The following EXOC6B variants were observed in gnomAD, a reference collection of about 807,000 sequenced individuals.
The protein encoded by EXOC6B is exocyst complex component 6B, also known as SEC15 homolog B.
Under a neutral mutation model 113.5 loss-of-function variants are expected in EXOC6B, and 54 were observed. That is an observed-to-expected ratio of 0.48 (90% CI 0.38 to 0.60). The LOEUF is 0.60. Among genes scored for constraint, EXOC6B ranks in the 20% least tolerant of loss-of-function variants. EXOC6B has a pLI of 0.00. For synonymous variants in EXOC6B, 357 were observed against 339.0 expected (o/e 1.05, Z -0.58); for missense variants, 797 against 977.5 (o/e 0.82, Z 2.46).
intron 17 of EXOC6B, among the ~76,000 whole-genome samples, chr2:72,465,964 A>G (rs987188911): frequency 3.3e-5 from 5 of 152,136 alleles, no homozygotes; most frequent in African/African-American, 1.2e-4. Flanking sequence ...CAGTATCTCT[A>G]TCTTCAGTAC....
chr2:72,500,005 A>G, intron 11 of EXOC6B, 33 bp from the exon 12 acceptor site: 2 of 1,346,392 alleles, frequency 1.5e-6, no homozygotes, highest in Non-Finnish European at 2.1e-6. Flanking sequence ...GAGGAAAAAC[A>G]TGTTATTAGT....
intron 20 of EXOC6B, among the ~76,000 whole-genome samples, chr2:72,216,478 G>A (rs1025286048): frequency 7.2e-5 from 11 of 152,210 alleles, no homozygotes; most frequent in Admixed American, 7.2e-4. Context: ...TTCAACCATT[G>A]TGGAAGACAG....
At chr2:72,784,525 T>TG (rs1221261560) in intron 1 of EXOC6B, among the ~76,000 whole-genome samples, 1 of 152,156 alleles carries the variant, frequency 6.6e-6, no homozygotes, top group Admixed American at 6.5e-5. Context: ...TCCACATGGC[T>TG]GGGGAGGCCT....
intron 21 of EXOC6B, among the ~76,000 whole-genome samples, chr2:72,183,195 T>C (rs1441503166): frequency 6.6e-6 from 1 of 152,206 alleles, no homozygotes; most frequent in African/African-American, 2.4e-5. Context: ...CATGGTTGAC[T>C]GGCCATATAT....
rs1001110090 is a variant in EXOC6B at position 72,444,393 on chromosome 2, G to A, written c.1980+20767C>T. ...TCCAGCTGCACAGTGCAAGCTATAG[G>A]TGGATCTACCATTCTGGGGTCTGGA... On this transcript the variant is annotated intron_variant, in intron 18 of 21. Transcript: ENST00000272427. Among the ~76,000 whole-genome samples the A allele has an allele frequency of 2.6e-5, 4 of 152,178 alleles. No individual in the cohort carries two copies. The South Asian group carries it at 8.3e-4, about 32-fold the overall frequency.
chr2:72,267,057 T>A (rs1421760608), intron 20 of EXOC6B, among the ~76,000 whole-genome samples: 1 of 152,178 alleles, frequency 6.6e-6, no homozygotes, highest in Non-Finnish European at 1.5e-5. Context: ...GCTCTCTGTT[T>A]GTCTGTTATT....
At chr2:72,323,481 C>T (rs1455942388) in intron 20 of EXOC6B, among the ~76,000 whole-genome samples, 3 of 152,138 alleles carry the variant, frequency 2.0e-5, no homozygotes, top group Non-Finnish European at 4.4e-5. Flanking sequence ...AATCCCGTTA[C>T]TGGGTATGTA....
At chr2:72,512,342 AG>A (rs1700957653) in intron 11 of EXOC6B, among the ~76,000 whole-genome samples, 1 of 11,710 alleles carries the variant, frequency 8.5e-5, no homozygotes, top group South Asian at 7.0e-3. Flanking sequence ...GAAGGAAGGA[AG>A]GAAGGAAGGA....
intron 19 of EXOC6B, among the ~76,000 whole-genome samples, chr2:72,358,730 T>G (rs1223827014): frequency 6.6e-6 from 1 of 152,204 alleles, no homozygotes; most frequent in East Asian, 1.9e-4. Flanking sequence ...TATGGTTTTA[T>G]AATCCATCCA....
chr2:72,747,421 C>T (rs917460585), intron 1 of EXOC6B, among the ~76,000 whole-genome samples: 1 of 151,852 alleles, frequency 6.6e-6, no homozygotes, highest in Non-Finnish European at 1.5e-5. Context: ...GATGCAGTAA[C>T]CATTCTGAAA....
intron 6 of EXOC6B, among the ~76,000 whole-genome samples, chr2:72,588,292 A>C (rs1273570595): frequency 6.6e-6 from 1 of 152,176 alleles, no homozygotes; most frequent in African/African-American, 2.4e-5. Context: ...CATTCATCAA[A>C]GGATGAATGG....
In EXOC6B at chr2:72,575,423, T is replaced by G. The variant is rs920762323; in HGVS notation, c.846+69A>C. 3.6e-6 allele frequency: 5 copies of G among 1,403,354 alleles called. No individual in the cohort carries two copies. In the African/African-American group the frequency reaches 7.4e-5, roughly 21 times the overall value. 86.9% of individuals were successfully genotyped at this position (1,403,354 alleles called of 1,614,324 possible). A position where few individuals can be genotyped will look rare whatever the true frequency, so the allele number is the denominator to read the frequency against. On this transcript the variant is annotated intron_variant, in intron 7 of 21. Transcript: ENST00000272427. The stretch of plus-strand genomic sequence containing the variant: ...AAACTACATTATATGGATAAACTCT[T>G]CATCACATCTCAACCATACTATTTA...
chr2:72,272,021 A>C (rs1011687527), intron 20 of EXOC6B, among the ~76,000 whole-genome samples: 3 of 152,090 alleles, frequency 2.0e-5, no homozygotes, highest in Non-Finnish European at 4.4e-5. Context: ...CCTCAATAGC[A>C]TTATCACTCT....
chr2:72,568,463 C>T (rs1704321023), intron 7 of EXOC6B, among the ~76,000 whole-genome samples: 1 of 151,876 alleles, frequency 6.6e-6, no homozygotes, highest in Non-Finnish European at 1.5e-5. Context: ...ATTTGGAGTT[C>T]CAAATATTAT....
intron 5 of EXOC6B, among the ~76,000 whole-genome samples, chr2:72,725,718 A>G (rs146325521): frequency 7.2e-5 from 11 of 152,334 alleles, no homozygotes; most frequent in African/African-American, 2.6e-4. Context: ...AGTATTGGCT[A>G]GGCTATGCAG....
chr2:72,436,490 T>A (rs1695879468), intron 18 of EXOC6B, among the ~76,000 whole-genome samples: 1 of 152,240 alleles, frequency 6.6e-6, no homozygotes, highest in South Asian at 2.1e-4. Flanking sequence ...TCCTGAAGTG[T>A]GTTTTCCAAC....
intron 20 of EXOC6B, among the ~76,000 whole-genome samples, chr2:72,193,797 A>G (rs949135659): frequency 1.3e-5 from 2 of 152,150 alleles, no homozygotes; most frequent in Non-Finnish European, 2.9e-5. Flanking sequence ...ATGCTAAGCT[A>G]AGGAGATTGA....
intron 6 of EXOC6B, among the ~76,000 whole-genome samples, chr2:72,585,837 T>TAAAAA (rs1705532771): frequency 6.6e-6 from 1 of 152,042 alleles, no homozygotes; most frequent in African/African-American, 2.4e-5. Context: ...AGCCCTGGAC[T>TAAAAA]AGATGTATTC....
At chr2:72,480,469 A>T (rs1558712802) in intron 17 of EXOC6B, 147 bp downstream of exon 17, 1 of 766,320 alleles carries the variant, frequency 1.3e-6, no homozygotes, top group African/African-American at 1.8e-5. Flanking sequence ...TTTCAAAGAA[A>T]ATAGAGAAGG....
Sources: allele counts gnomAD v4.1 joint callset (sites outside exome capture counted in the v4.1 genomes callset), GRCh38; gene constraint gnomAD v4.1.1; transcripts MANE v1.5; gene names NCBI Gene and HGNC (gene_info 2026-07-23, HGNC 2026-07-21).